Variants in EIF1AY observed in about 807,000 individuals in gnomAD.
The protein encoded by EIF1AY is eukaryotic translation initiation factor 1A Y-linked.
For synonymous variants in EIF1AY, 16 were observed against 9.9 expected (o/e 1.62, Z -1.16); for missense variants, 19 against 30.6 (o/e 0.62, Z 0.89).
At chrY:20,590,065 T>TGA (rs2089357840) in intron 6 of EIF1AY, among the ~76,000 whole-genome samples, 1 of 28,813 alleles carries the variant, frequency 3.5e-5, no homozygotes, top group African/African-American at 1.4e-4. Flanking sequence ...TTCCCTCTCT[T>TGA]GAGAGAGAGA....
intron 6 of EIF1AY, 69 bp downstream of exon 6, chrY:20,589,644 G>A: frequency 6.4e-6 from 2 of 313,611 alleles, no homozygotes; most frequent in Admixed American, 2.1e-4. Context: ...CAGTCCTTTG[G>A]GATAGTATTT....
rs922376609 is a variant in EIF1AY, at chrY:20,589,493, A to G, written c.347A>G (p.Asn116Ser). Residue 116 changes from asparagine to serine, a missense_variant, in exon 6 of 7, where the codon AAT (asparagine) becomes AGT (serine). Asn to Ser is a conservative substitution (Grantham distance 46, BLOSUM62 1). Transcript: ENST00000361365. Reference sequence around the variant, plus strand: ...GTTATTTTACCTTTAGCTAAAATCAATGAAACAGACACATTTGGTCCTGGA... The same window carrying G: ...GTTATTTTACCTTTAGCTAAAATCAGTGAAACAGACACATTTGGTCCTGGA... ...YGELPEHAKI[N>S]ETDTFGPGDD... 2.5e-6 allele frequency: 1 copy of G among 393,907 alleles called. No homozygotes were observed. The highest frequency in any genetic ancestry group is 3.6e-6 in the Non-Finnish European group (1 of 279,092).
At chrY:20,588,974 T>TTTA (rs2089356781) in intron 5 of EIF1AY, 1 of 34,068 alleles carries the variant, frequency 2.9e-5, no homozygotes, top group African/African-American at 1.1e-4. Context: ...TCAAGAGAAC[T>TTTA]TTATGTATTT....
intron 2 of EIF1AY, 64 bp downstream of exon 2, chrY:20,579,755 T>A: frequency 5.5e-6 from 1 of 180,886 alleles, no homozygotes; most frequent in East Asian, 1.2e-4. Context: ...AATATAAATT[T>A]CAGTCTTTCT....
rs1022768952 is a variant in EIF1AY at position 20,593,098 on chromosome Y, C to T, written c.*752C>T. The T allele has an allele frequency of 5.9e-5, 2 of 33,838 alleles. No homozygotes were observed. Among genetic ancestry groups the T allele is most frequent in the Admixed American group, 2.7e-4 (1 of 3,737 alleles). 8.4% of individuals were successfully genotyped at this position (33,838 alleles called of 400,897 possible). On this transcript the variant is annotated 3_prime_UTR_variant, in exon 7 of 7. Transcript: ENST00000361365. ...AATCCACTGTTTTGGCTTTCATGAA[C>T]AAGTAAATTACAGTGTATAAATGAA...
chrY:20,575,865 C>T lies in EIF1AY; in HGVS notation c.-7C>T, dbSNP rs1162535828. On this transcript the variant is annotated 5_prime_UTR_variant, in exon 1 of 7. Coordinates refer to ENST00000361365, the MANE Select transcript of EIF1AY (RefSeq NM_004681.4). ...GGAAGAGGTCTCACGAGGCTGTCAT[C>T]ACCGCCATGCCCAAGAATAAAGGTA... 1.0e-5 allele frequency: 4 copies of T among 384,538 alleles called. No individual in the cohort carries two copies. The highest frequency in any genetic ancestry group is 6.1e-4 in the Middle Eastern group (1 of 1,641).
intron 2 of EIF1AY, among the ~76,000 whole-genome samples, chrY:20,581,979 A>C: frequency 3.0e-5 from 1 of 33,834 alleles, no homozygotes; most frequent in Non-Finnish European, 7.3e-5. Flanking sequence ...TTTATTCTAA[A>C]TATAAACGTG....
At chrY:20,586,416 T>G in intron 4 of EIF1AY, among the ~76,000 whole-genome samples, 1 of 33,589 alleles carries the variant, frequency 3.0e-5, no homozygotes, top group Non-Finnish European at 7.4e-5. Context: ...ATCAAGTGAG[T>G]TAAAGAAAAG....
chrY:20,590,205 C>T lies in EIF1AY; in HGVS notation c.429+630C>T, dbSNP rs2124357930. On this transcript the variant is annotated intron_variant, in intron 6 of 6. Coordinates refer to ENST00000361365, the MANE Select transcript of EIF1AY (RefSeq NM_004681.4). ...GGGCTTAGGTTTTTTTGTCAATATCCCTATAATAAAATTGTTGTTCAGGAA... is the reference window on the plus strand; with the variant it reads ...GGGCTTAGGTTTTTTTGTCAATATCTCTATAATAAAATTGTTGTTCAGGAA... Among the ~76,000 whole-genome samples, 4 of 26,490 alleles carry T rather than the reference C, an allele frequency of 1.5e-4. No homozygotes were observed. The East Asian group carries it at 2.9e-3, about 19-fold the overall frequency. The allele number at this position is 26,490 out of a possible 37,273, so 71.1% of individuals were successfully genotyped here.
intron 6 of EIF1AY, among the ~76,000 whole-genome samples, chrY:20,590,109 AGAGT>A (rs2089357992): frequency 9.8e-5 from 3 of 30,469 alleles, no homozygotes; most frequent in Non-Finnish European, 1.6e-4. Context: ...AGAGAGAGAG[AGAGT>A]GTGTGTGTGT....
chrY:20,584,510 C>T lies in EIF1AY; in HGVS notation c.241C>T (p.Leu81=). The change falls in exon 4 of 7, where the codon CTA becomes TTA. Residue 81 remains leucine (L), a synonymous_variant. Coordinates refer to ENST00000361365, the MANE Select transcript of EIF1AY (RefSeq NM_004681.4). ...INTSDIILVG[L]RDYQDNKADV... is the part of the protein sequence containing the mutation. ...TACATCAGACATTATATTGGTTGGT[C>T]TACGGGACTATCAGGTAAAAATAAC... 3.0e-6 allele frequency: 1 copy of T among 336,702 alleles called. No homozygotes were observed. The highest frequency in any genetic ancestry group is 3.9e-5 in the South Asian group (1 of 25,356). The allele number at this position is 336,702 out of a possible 400,897, so 84.0% of individuals were successfully genotyped here. A position where few individuals can be genotyped will look rare whatever the true frequency, so the allele number is the denominator to read the frequency against.
intron 2 of EIF1AY, 148 bp from the exon 3 acceptor site, chrY:20,582,442 C>G: frequency 6.7e-6 from 1 of 148,182 alleles, no homozygotes; most frequent in South Asian, 4.5e-5. Flanking sequence ...AACTCCTGAC[C>G]TCAGGCAATT....
Position 20,592,327 on chromosome Y carries a change from C to G in EIF1AY, c.430-14C>G. ...GTTATTTTTCTATGGATCTGATGTT[C>G]TTTTCAATTACAGATCTAAATTGAA... is the stretch of plus-strand genomic sequence containing the variant. On this transcript the variant is annotated splice_polypyrimidine_tract_variant and intron_variant, in intron 6 of 6. Transcript: ENST00000361365. The G allele has an allele frequency of 2.7e-6, 1 of 369,605 alleles. No homozygotes were observed. Among genetic ancestry groups the G allele is most frequent in the Non-Finnish European group, 3.8e-6 (1 of 263,449 alleles). 92.2% of individuals were successfully genotyped at this position (369,605 alleles called of 400,897 possible).
intron 6 of EIF1AY, 149 bp downstream of exon 6, chrY:20,589,724 A>T: frequency 3.5e-5 from 5 of 142,626 alleles, no homozygotes; most frequent in Non-Finnish European, 6.4e-5. Flanking sequence ...GTGTCTAAAG[A>T]GATAGTTTTG....
At chrY:20,591,598 G>T (rs2089358990) in intron 6 of EIF1AY, among the ~76,000 whole-genome samples, 1 of 33,480 alleles carries the variant, frequency 3.0e-5, no homozygotes, top group East Asian at 7.9e-4. Context: ...GAGGTTTTTT[G>T]GGGGATTAAA....
At position 20,590,087 on chromosome Y, in the gene EIF1AY, G is replaced by GGAGA. The variant is rs1171241721; in HGVS notation, c.429+534_429+537dup. ...TCTTGAGAGAGAGAGAGGGAGAGGGGGAGAGAGAGAGAGAGAGAGAGAGAG... is the reference window on the plus strand; with the variant it reads ...TCTTGAGAGAGAGAGAGGGAGAGGGGGAGAGAGAGAGAGAGAGAGAGAGAGAGAG... On this transcript the variant is annotated intron_variant, in intron 6 of 6. Coordinates refer to ENST00000361365, the MANE Select transcript of EIF1AY (RefSeq NM_004681.4). 1.8e-4 allele frequency among the ~76,000 whole-genome samples: 5 copies of GGAGA among 28,194 alleles called. No homozygotes were observed. The East Asian group carries it at 3.7e-3, about 21-fold the overall frequency. 75.6% of individuals were successfully genotyped at this position (28,194 alleles called of 37,273 possible).
At chrY:20,589,991 C>T (rs2089357816) in intron 6 of EIF1AY, among the ~76,000 whole-genome samples, 1 of 32,214 alleles carries the variant, frequency 3.1e-5, no homozygotes. Context: ...GTTCACAAAG[C>T]AGTAAATGCT....
chrY:20,589,939 T>C (rs1054395297), intron 6 of EIF1AY, among the ~76,000 whole-genome samples: 20 of 33,501 alleles, frequency 6.0e-4, no homozygotes, highest in African/African-American at 2.3e-3. Flanking sequence ...TTTGTGCTTA[T>C]TTTGTGGAAA....
In EIF1AY at chrY:20,589,575, T is replaced by C. The variant is rs1427027644; in HGVS notation, c.429T>C (p.Asp143=). Residue 143 remains aspartate (D), a splice_region_variant and synonymous_variant, in exon 6 of 7, where the codon GAT becomes GAC. Coordinates refer to ENST00000361365, the MANE Select transcript of EIF1AY (RefSeq NM_004681.4). ...DIGDDDEDID[D]I The stretch of plus-strand genomic sequence containing the variant: ...GAGATGATGATGAAGACATTGATGA[T>C]GTAAGTAAATAAACCTAACAGGTAT... The C allele has an allele frequency of 2.7e-6, 1 of 366,034 alleles. No individual in the cohort carries two copies. The highest frequency in any genetic ancestry group is 6.3e-5 in the African/African-American group (1 of 15,826). 91.3% of individuals were successfully genotyped at this position (366,034 alleles called of 400,897 possible).
Sources: gnomAD v4.1 joint callset for allele counts (sites outside exome capture counted in the v4.1 genomes callset) on GRCh38, gnomAD v4.1.1 for gene constraint, MANE v1.5 for transcripts, NCBI Gene and HGNC (gene_info 2026-07-23, HGNC 2026-07-21) for gene names.